Variants in ZNF416 observed in about 807,000 individuals in gnomAD.
ZNF416 encodes the protein zinc finger protein 416.
ZNF416 carries 5 observed loss-of-function variants against 10.9 expected under a neutral mutation model. The observed-to-expected ratio is 0.46, with a 90% CI of 0.24 to 0.97. The LOEUF (loss-of-function observed/expected upper bound fraction) is 0.97, where lower values mean the gene tolerates loss of function less well. ZNF416 is among the 50% of genes least tolerant of loss of function. ZNF416 has a pLI of 0.19. For synonymous variants in ZNF416, 267 were observed against 251.8 expected, an observed-to-expected ratio of 1.06 and a Z score of -0.57; for missense variants, 675 against 715.0, an observed-to-expected ratio of 0.94 and a Z score of 0.64.
intron 2 of ZNF416, among the ~76,000 whole-genome samples, chr19:57,577,274 T>TGA (rs1555796936): frequency 6.6e-6 from 1 of 151,114 alleles, no homozygotes; most frequent in East Asian, 1.9e-4. Flanking sequence ...GTTCAGATGA[T>TGA]TTTTATTAAA....
chr19:57,574,971 G>A (rs1381885189), intron 3 of ZNF416, among the ~76,000 whole-genome samples: 4 of 152,204 alleles, frequency 2.6e-5, no homozygotes, highest in Non-Finnish European at 4.4e-5. Flanking sequence ...GCAGTGCAGA[G>A]AAACTGGTGA....
At chr19:57,578,629 C>T (rs1488721237) in intron 1 of ZNF416, 43 bp downstream of exon 1, 8 of 1,514,938 alleles carry the variant, frequency 5.3e-6, no homozygotes, top group Non-Finnish European at 7.1e-6. Context: ...TGTTGGATTT[C>T]CGGCGGAGAG....
At position 57,573,196 on chromosome 19, in the gene ZNF416, G is replaced by A. The variant is rs1240117464; in HGVS notation, c.708C>T (p.Cys236=). 1 of 1,614,070 alleles carries A rather than the reference G, an allele frequency of 6.2e-7. No homozygotes were observed. The highest frequency in any genetic ancestry group is 1.3e-5 in the African/African-American group (1 of 74,928). Reference sequence around the variant, plus strand: ...TAGATTCATAAAGCCTTTTTCCAGTGCAGACTCTAGGGTGAAAAAAAGTGT... The same window carrying A: ...TAGATTCATAAAGCCTTTTTCCAGTACAGACTCTAGGGTGAAAAAAAGTGT... ...HKHTFFHPRV[C]TGKRLYESSK... The change falls in exon 4 of 4, where the codon TGC becomes TGT. Residue 236 remains cysteine (C), a synonymous_variant. Coordinates refer to ENST00000196489, the MANE Select transcript of ZNF416 (RefSeq NM_017879.3).
chr19:57,572,384 T>C lies in ZNF416; in HGVS notation c.1520A>G (p.Tyr507Cys). 1.9e-6 allele frequency: 3 copies of C among 1,614,146 alleles called. No individual in the cohort carries two copies. The highest frequency in any genetic ancestry group is 2.5e-6 in the Non-Finnish European group (3 of 1,180,014). Residue 507 changes from tyrosine (Y) to cysteine (C), a missense_variant, in exon 4 of 4, where the codon TAT becomes TGT. By Grantham distance (194) the Tyr-to-Cys change is radical. Transcript: ENST00000196489. The surrounding 1 kb of genome is among the most constrained non-coding windows in gnomAD (Gnocchi z 4.5). ...SECGKFFRQS[Y>C]TLVEHQKIHT... ...AATTTTCTGGTGTTCAACGAGGGTA[T>C]AGCTTTGTCTAAAAAATTTCCCACA...
In ZNF416 at chr19:57,578,093, G is replaced by C; in HGVS notation, c.39C>G (p.Pro13=). The stretch of plus-strand genomic sequence containing the variant: ...CCATAAGTTTAGCTTCTGCAGTCAC[G>C]GGAACCTGCGGGAAGAGGAAGGCTA... ...AAVLRDSTSV[P]VTAEAKLMGF... The change falls in exon 2 of 4, where the codon CCC becomes CCG. Residue 13 remains proline (P), a synonymous_variant. Coordinates refer to ENST00000196489, the MANE Select transcript of ZNF416 (RefSeq NM_017879.3). 1.2e-6 allele frequency: 2 copies of C among 1,614,154 alleles called. No homozygotes were observed. The highest frequency in any genetic ancestry group is 1.7e-6 in the Non-Finnish European group (2 of 1,180,034).
intron 3 of ZNF416, among the ~76,000 whole-genome samples, chr19:57,574,927 G>A (rs1012864133): frequency 1.3e-5 from 2 of 152,152 alleles, no homozygotes; most frequent in South Asian, 2.1e-4. Flanking sequence ...ACAACATATC[G>A]TGAGTGGGTC....
In ZNF416 at chr19:57,578,811, G is replaced by A; in HGVS notation, c.-107C>T. The A allele has an allele frequency of 4.2e-6, 5 of 1,177,662 alleles. No individual in the cohort carries two copies. The highest frequency in any genetic ancestry group is 3.7e-5 in the Admixed American group (1 of 26,882). The allele number at this position is 1,177,662 out of a possible 1,614,324, so 73.0% of individuals were successfully genotyped here. ...CCCACCGGCTGATGCGCAGCGGGGC[G>A]ACCCCCGCTCTGTGCCGGAGGCAGC... is the stretch of plus-strand genomic sequence containing the variant. On this transcript the variant is annotated 5_prime_UTR_variant, in exon 1 of 4. Coordinates refer to ENST00000196489, the MANE Select transcript of ZNF416 (RefSeq NM_017879.3).
intron 2 of ZNF416, 41 bp downstream of exon 2, chr19:57,578,016 G>C (rs1199818040): frequency 9.3e-6 from 15 of 1,609,520 alleles, no homozygotes; most frequent in Non-Finnish European, 1.0e-5. Flanking sequence ...GACAAACACT[G>C]GGGTCAGCAT....
chr19:57,574,497 T>G (rs190707035), intron 3 of ZNF416, among the ~76,000 whole-genome samples: 4 of 152,318 alleles, frequency 2.6e-5, no homozygotes, highest in African/African-American at 9.6e-5. Context: ...AACCTCTCTG[T>G]ATTGGCACTC....
chr19:57,573,740 A>C, intron 3 of ZNF416, 39 bp from the exon 4 acceptor site: 1 of 1,585,120 alleles, frequency 6.3e-7, no homozygotes. Flanking sequence ...CACGTTGACT[A>C]TGATGGGAGT....
chr19:57,578,006 G>C, intron 2 of ZNF416, 51 bp downstream of exon 2: 2 of 1,603,496 alleles, frequency 1.2e-6, no homozygotes, highest in Non-Finnish European at 1.7e-6. Flanking sequence ...CAATCTCAGA[G>C]ACAAACACTG....
chr19:57,573,257 T>C lies in ZNF416; in HGVS notation c.647A>G (p.Lys216Arg). 6 of 1,614,240 alleles carry C rather than the reference T, an allele frequency of 3.7e-6. No individual in the cohort carries two copies. Among genetic ancestry groups the C allele is most frequent in the Non-Finnish European group, 5.1e-6 (6 of 1,180,038 alleles). The change falls in exon 4 of 4, where the codon AAG becomes AGG. Residue 216 changes from lysine to arginine, a missense_variant. Lys to Arg is a conservative substitution (Grantham distance 26, BLOSUM62 2). Transcript: ENST00000196489. ...EAFHVGISHYKWSQCRRESSH... is the reference protein window; with the variant it reads ...EAFHVGISHYRWSQCRRESSH... ...GGACTCTCTCCTGCATTGACTCCAC[T>C]TGTAATGACTTATTCCAACATGAAA...
Position 57,573,457 on chromosome 19 carries a change from C to G in ZNF416, c.447G>C (p.Leu149Phe). Reference protein sequence around the residue: ...DQKHHSAEKPLESDMDKASFV... With the variant: ...DQKHHSAEKPFESDMDKASFV... Reference sequence around the variant, plus strand: ...ATGAGGCCTTGTCCATGTCACTTTCCAAGGGTTTCTCTGCACTATGATGCT... The same window carrying G: ...ATGAGGCCTTGTCCATGTCACTTTCGAAGGGTTTCTCTGCACTATGATGCT... Residue 149 changes from leucine (L) to phenylalanine (F), a missense_variant, in exon 4 of 4, where the codon TTG (leucine) becomes TTC (phenylalanine). By Grantham distance (22) the Leu-to-Phe change is conservative. Coordinates refer to ENST00000196489, the MANE Select transcript of ZNF416 (RefSeq NM_017879.3). 2 of 1,614,216 alleles carry G rather than the reference C, an allele frequency of 1.2e-6. No individual in the cohort carries two copies. Among genetic ancestry groups the G allele is most frequent in the Middle Eastern group, 3.3e-4 (2 of 6,062 alleles).
chr19:57,577,114 CT>C (rs1481963020), intron 2 of ZNF416, among the ~76,000 whole-genome samples: 1 of 152,124 alleles, frequency 6.6e-6, no homozygotes, highest in African/African-American at 2.4e-5. Flanking sequence ...AGCTATACCC[CT>C]AGGCAAGTAG....
Position 57,576,293 on chromosome 19 carries a change from G to A in ZNF416, c.76-363C>T, listed in dbSNP as rs144190413. 8.6e-3 allele frequency among the ~76,000 whole-genome samples: 1,312 copies of A among 152,198 alleles called. 15 individuals are homozygous for A. The highest frequency in any genetic ancestry group is 0.03 in the African/African-American group (1,235 of 41,508). On this transcript the variant is annotated intron_variant, in intron 2 of 3. Coordinates refer to ENST00000196489, the MANE Select transcript of ZNF416 (RefSeq NM_017879.3). ...ATCCTCAATGCCATGGCCATGGGTT[G>A]TTCAGTTCACACTTCCTCTCCATAT...
chr19:57,578,605 C>T, intron 1 of ZNF416, 67 bp downstream of exon 1: 1 of 1,442,204 alleles, frequency 6.9e-7, no homozygotes, highest in Non-Finnish European at 9.2e-7. Context: ...CAAGCAGGCG[C>T]CCCTCATGCA....
chr19:57,576,580 C>G (rs1978544812), intron 2 of ZNF416, among the ~76,000 whole-genome samples: 1 of 152,038 alleles, frequency 6.6e-6, no homozygotes, highest in Non-Finnish European at 1.5e-5. Context: ...CTCAGTCACC[C>G]AGAAATACCT....
chr19:57,574,426 A>G (rs1023903510), intron 3 of ZNF416, among the ~76,000 whole-genome samples: 7 of 152,148 alleles, frequency 4.6e-5, no homozygotes, highest in African/African-American at 1.7e-4. Context: ...GTGGCCCTGC[A>G]TGGCATGGTG....
Position 57,572,052 on chromosome 19 carries a change from C to A in ZNF416, c.*67G>T. On this transcript the variant is annotated 3_prime_UTR_variant, in exon 4 of 4. Transcript: ENST00000196489. The surrounding 1 kb of genome is among the most constrained non-coding windows in gnomAD (Gnocchi z 4.5). ...TCACAAAGGCTCTCTATAGCCATAA[C>A]ACTGAAGAAAGACATGGCACATTCC... The A allele has an allele frequency of 6.4e-7, 1 of 1,551,710 alleles. No homozygotes were observed. The highest frequency in any genetic ancestry group is 1.9e-5 in the Admixed American group (1 of 53,410).
Sources: gnomAD v4.1 joint callset for allele counts (sites outside exome capture counted in the v4.1 genomes callset) on GRCh38, gnomAD v4.1.1 for gene constraint, Gnocchi (gnomAD v3.1) non-coding constraint, MANE v1.5 for transcripts, NCBI Gene and HGNC (gene_info 2026-07-23, HGNC 2026-07-21) for gene names.